The following NDUFA10 variants were observed in gnomAD, a reference collection of about 807,000 sequenced individuals.
NDUFA10 encodes the protein NADH dehydrogenase [ubiquinone] 1 alpha subcomplex subunit 10, mitochondrial.
NDUFA10 carries 40 observed loss-of-function variants against 47.8 expected under a neutral mutation model. That is an observed-to-expected ratio of 0.84 (90% CI 0.65 to 1.09). The LOEUF is 1.09. NDUFA10 is among the 50% of genes least tolerant of loss of function. The probability of loss-of-function intolerance (pLI) is 0.00; values close to 1 mark genes in which losing one functional copy is unlikely to be tolerated. For synonymous variants in NDUFA10, 183 were observed against 172.2 expected (o/e 1.06, Z -0.49); for missense variants, 413 against 451.1 (o/e 0.92, Z 0.76).
In NDUFA10 at chr2:239,906,125, G is replaced by A. The variant is rs992932984; in HGVS notation, c.295-10811C>T. Among the ~76,000 whole-genome samples, 2 of 152,082 alleles carry A rather than the reference G, an allele frequency of 1.3e-5. No individual in the cohort carries two copies. Among genetic ancestry groups the A allele is most frequent in the African/African-American group, 2.4e-5 (1 of 41,388 alleles). On this transcript the variant is annotated intron_variant, in intron 4 of 5. Transcript: ENST00000419408. This position sits in a 1 kb window ranked among gnomAD's most constrained non-coding sequence, Gnocchi z 4.3. ...GATGTGTGCTGAGCTCATGACCTTC[G>A]GGGGCTCTGGGCGGGCCCTGCTCTG... is the stretch of plus-strand genomic sequence containing the variant.
intron 4 of NDUFA10, among the ~76,000 whole-genome samples, chr2:239,901,429 C>T (rs77598094): frequency 0.016 from 2,507 of 152,062 alleles, 85 homozygotes; most frequent in African/African-American, 0.057. Flanking sequence ...GCATGATTCA[C>T]GAAGTATTTT....
At chr2:239,922,466 A>G (rs1694005314) in intron 4 of NDUFA10, among the ~76,000 whole-genome samples, 1 of 152,206 alleles carries the variant, frequency 6.6e-6, no homozygotes, top group Non-Finnish European at 1.5e-5. Context: ...CATGACAGGT[A>G]CACAGAGACA....
intron 6 of NDUFA10, among the ~76,000 whole-genome samples, chr2:240,007,603 TTCC>T (rs1696994562): frequency 6.6e-6 from 1 of 152,224 alleles, no homozygotes; most frequent in Non-Finnish European, 1.5e-5. Context: ...GCAGGACCAT[TTCC>T]TCGTTTCCCT....
At chr2:239,974,302 G>A (rs911545781) in intron 9 of NDUFA10, among the ~76,000 whole-genome samples, 2 of 152,212 alleles carry the variant, frequency 1.3e-5, no homozygotes, top group Non-Finnish European at 2.9e-5. Flanking sequence ...CCTAGAGTGT[G>A]GACAGGTGCC....
Position 239,990,060 on chromosome 2 carries a change from T to G in NDUFA10, c.999+14A>C, listed in dbSNP as rs1696179570. On this transcript the variant is annotated intron_variant, in intron 9 of 9. Transcript: ENST00000252711. ...TCATCCACTGGCCAGCTTTCTCCATTTCCACAGTCTTACCTCTCTGAACTG... is the reference window on the plus strand; with the variant it reads ...TCATCCACTGGCCAGCTTTCTCCATGTCCACAGTCTTACCTCTCTGAACTG... 1.3e-6 allele frequency: 2 copies of G among 1,581,592 alleles called. No homozygotes were observed. The highest frequency in any genetic ancestry group is 1.7e-6 in the Non-Finnish European group (2 of 1,150,424).
intron 9 of NDUFA10, among the ~76,000 whole-genome samples, chr2:239,970,571 C>A (rs1296771435): frequency 6.6e-6 from 1 of 152,218 alleles, no homozygotes; most frequent in African/African-American, 2.4e-5. Flanking sequence ...TCACAACAGT[C>A]CATTGTGTGG....
chr2:240,024,290 AGAAAT>A (rs1358058223), intron 1 of NDUFA10, among the ~76,000 whole-genome samples: 8 of 152,262 alleles, frequency 5.3e-5, no homozygotes, highest in Non-Finnish European at 1.0e-4. Context: ...GTGATTAAAA[AGAAAT>A]GAGTTACCAA....
At chr2:239,983,394 T>G (rs1695864277) in intron 9 of NDUFA10, 2 of 1,414,808 alleles carry the variant, frequency 1.4e-6, no homozygotes, top group African/African-American at 2.9e-5. Context: ...CAAAAGGAAT[T>G]CTATGAATTT....
chr2:239,962,562 G>A (rs956886958), intron 9 of NDUFA10, among the ~76,000 whole-genome samples: 2 of 152,220 alleles, frequency 1.3e-5, no homozygotes, highest in Admixed American at 6.5e-5. Context: ...CCTCTCCTAG[G>A]TGCACAGCTG....
At chr2:239,918,452 G>A (rs1398655993) in intron 4 of NDUFA10, among the ~76,000 whole-genome samples, 2 of 152,208 alleles carry the variant, frequency 1.3e-5, no homozygotes, top group African/African-American at 2.4e-5. Flanking sequence ...ACTTCCTCTT[G>A]AGCCCCTCCA....
At chr2:240,000,210 C>T (rs1227905268) in intron 8 of NDUFA10, among the ~76,000 whole-genome samples, 2 of 152,190 alleles carry the variant, frequency 1.3e-5, no homozygotes, top group African/African-American at 4.8e-5. Context: ...TGTACAACAG[C>T]CTCAGGCAGG....
At chr2:239,981,463 G>A (rs1695770461) in intron 9 of NDUFA10, among the ~76,000 whole-genome samples, 1 of 152,180 alleles carries the variant, frequency 6.6e-6, no homozygotes. Context: ...CAAGGAATAA[G>A]ATCCTACCAA....
At chr2:239,953,775 C>T (rs761980632), downstream of NDUFA10, among the ~76,000 whole-genome samples, 47 of 152,378 alleles carry the variant, frequency 3.1e-4, no homozygotes, top group Middle Eastern at 3.4e-3. Flanking sequence ...GGCTTCAAGG[C>T]TGTGACCATG....
chr2:239,961,181 C>T lies in NDUFA10; in HGVS notation c.1005G>A (p.Pro335=), dbSNP rs778173280. 82 of 1,604,464 alleles carry T rather than the reference C, an allele frequency of 5.1e-5. No homozygotes were observed. The Middle Eastern group carries it at 8.3e-4, about 16-fold the overall frequency. The change falls in exon 10 of 10, where the codon CCG becomes CCA. Residue 335 remains proline, a synonymous_variant. Transcript: ENST00000252711. ...DRVLHQFREL[P]GRKYSPGYNT... ...TGTACCCAGGGCTGTACTTGCGGCC[C>T]GGCAGCTGTGGGGGAAAAAGGCATT... is the stretch of plus-strand genomic sequence containing the variant.
Position 240,016,045 on chromosome 2 carries a change from T to C in NDUFA10, c.548-1185A>G, listed in dbSNP as rs994312798. Among the ~76,000 whole-genome samples the C allele has an allele frequency of 6.6e-6, 1 of 151,410 alleles. No homozygotes were observed. Among genetic ancestry groups the C allele is most frequent in the African/African-American group, 2.4e-5 (1 of 41,120 alleles). On this transcript the variant is annotated intron_variant, in intron 4 of 9. Transcript: ENST00000252711. The surrounding 1 kb of genome is among the most constrained non-coding windows in gnomAD (Gnocchi z 4.4). ...CTAACCTAGTCTCAAAATAAATAAA[T>C]AAAAATTTTAAAAATTAAATTAAAA...
chr2:239,986,591 A>G (rs779275891), intron 9 of NDUFA10, among the ~76,000 whole-genome samples: 5 of 152,260 alleles, frequency 3.3e-5, no homozygotes, highest in Admixed American at 3.3e-4. Flanking sequence ...GGGAGTCCAT[A>G]GTGATATATG....
intron 9 of NDUFA10, among the ~76,000 whole-genome samples, chr2:239,976,754 A>G (rs1695540545): frequency 1.3e-5 from 2 of 152,182 alleles, no homozygotes; most frequent in African/African-American, 4.8e-5. Flanking sequence ...GCAGAAGGCG[A>G]GGCGACTCCA....
At chr2:239,919,601 G>T (rs928023193) in intron 4 of NDUFA10, among the ~76,000 whole-genome samples, 4 of 152,206 alleles carry the variant, frequency 2.6e-5, no homozygotes, top group African/African-American at 9.7e-5. Flanking sequence ...CCGCCACTGG[G>T]TGTGGGGTTA....
chr2:239,921,324 T>C (rs1693975765), intron 4 of NDUFA10, among the ~76,000 whole-genome samples: 1 of 143,470 alleles, frequency 7.0e-6, no homozygotes, highest in Non-Finnish European at 1.5e-5. Context: ...AAGGTGGCAC[T>C]GACCCAAAGA....
Sources: gnomAD v4.1 joint callset for allele counts (sites outside exome capture counted in the v4.1 genomes callset) on GRCh38, gnomAD v4.1.1 for gene constraint, Gnocchi (gnomAD v3.1) non-coding constraint, MANE v1.5 for transcripts, NCBI Gene and HGNC (gene_info 2026-07-23, HGNC 2026-07-21) for gene names.